LANCL1: variants seen among roughly 807,000 people sequenced by gnomAD.
LANCL1 encodes LanC like glutathione S-transferase 1.
In LANCL1, 50 loss-of-function variants were observed where a neutral mutation model predicts 50.6. The observed-to-expected ratio is 0.99, with a 90% CI of 0.79 to 1.25. LANCL1 has a LOEUF of 1.25. Among genes scored for constraint, LANCL1 ranks in the 50% most tolerant of loss-of-function variants. The probability of loss-of-function intolerance (pLI) is 0.00; values close to 1 mark genes in which losing one functional copy is unlikely to be tolerated. For synonymous variants in LANCL1, 188 were observed against 178.6 expected (o/e 1.05, Z -0.42); for missense variants, 532 against 480.7 (o/e 1.11, Z -1.00).
In LANCL1 at chr2:210,448,541, C is replaced by CA. The variant is rs199822623; in HGVS notation, c.407+6565dup. ...GGAGATAAAGACATGAAAAACCCTT[C>CA]AAAAAAAATCAGTGAATCCCAGAGT... On this transcript the variant is annotated intron_variant, in intron 4 of 9. Coordinates refer to ENST00000450366, the MANE Select transcript of LANCL1 (RefSeq NM_006055.3). Among the ~76,000 whole-genome samples, 981 of 151,698 alleles carry CA rather than the reference C, an allele frequency of 6.5e-3. 8 individuals are homozygous for CA. Among genetic ancestry groups the CA allele is most frequent in the African/African-American group, 0.022 (922 of 41,410 alleles).
At position 210,441,496 on chromosome 2, in the gene LANCL1, G is replaced by A. The variant is rs1375177165; in HGVS notation, c.408-53C>T. 2.7e-6 allele frequency: 4 copies of A among 1,494,904 alleles called. No homozygotes were observed. In the East Asian group the frequency reaches 6.8e-5, roughly 26 times the overall value. 92.6% of individuals were successfully genotyped at this position (1,494,904 alleles called of 1,614,324 possible). The stretch of plus-strand genomic sequence containing the variant: ...AATTTGAAAGGAACCAGGTATTGGT[G>A]TATACTTAAAAATGGTACATTGAAA... On this transcript the variant is annotated intron_variant, in intron 4 of 9. Transcript: ENST00000450366.
At chr2:210,468,680 A>C (rs1337859305) in intron 3 of LANCL1, 1 of 152,360 alleles carries the variant, frequency 6.6e-6, no homozygotes, top group African/African-American at 2.4e-5. Context: ...TCTTCCCTCC[A>C]GCAGCCTGAA....
chr2:210,437,661 A>T (rs939503077), intron 7 of LANCL1, 29 bp downstream of exon 7: 15 of 1,414,304 alleles, frequency 1.1e-5, no homozygotes, highest in Non-Finnish European at 1.4e-5. Flanking sequence ...GTTATTTAAA[A>T]AAATTTATTT....
chr2:210,440,583 A>G lies in LANCL1; in HGVS notation c.690+15T>C, dbSNP rs1222784201. On this transcript the variant is annotated intron_variant, in intron 6 of 9. Transcript: ENST00000450366. ...AGGAAGGACATTTTAAAATTTCACCATAATCACTCCTTACCTGCATCAGGT... is the reference window on the plus strand; with the variant it reads ...AGGAAGGACATTTTAAAATTTCACCGTAATCACTCCTTACCTGCATCAGGT... 6.2e-7 allele frequency: 1 copy of G among 1,600,632 alleles called. No homozygotes were observed. The highest frequency in any genetic ancestry group is 2.2e-5 in the East Asian group (1 of 44,732).
rs761285257 is a variant in LANCL1 at position 210,436,367 on chromosome 2, C to T, written c.899G>A (p.Cys300Tyr). 2 of 1,613,974 alleles carry T rather than the reference C, an allele frequency of 1.2e-6. No homozygotes were observed. Among genetic ancestry groups the T allele is most frequent in the Admixed American group, 1.7e-5 (1 of 59,998 alleles). ...CACATCAGCACACTGATAGGCATCA[C>T]AGAGATACTTTTCCTCTCTGAATAC... is the stretch of plus-strand genomic sequence containing the variant. Reference protein sequence around the residue: ...YKVFREEKYLCDAYQCADVIW... With the variant: ...YKVFREEKYLYDAYQCADVIW... Residue 300 changes from cysteine (C) to tyrosine (Y), a missense_variant, in exon 8 of 10, where the codon TGT becomes TAT. Coordinates refer to ENST00000450366, the MANE Select transcript of LANCL1 (RefSeq NM_006055.3).
chr2:210,468,010 G>A (rs1363822250), intron 3 of LANCL1: 1 of 152,112 alleles, frequency 6.6e-6, no homozygotes, highest in African/African-American at 2.4e-5. Context: ...GAAAAGAATG[G>A]CAAGTAACTG....
At chr2:210,435,124 T>C (rs1692881312) in intron 9 of LANCL1, among the ~76,000 whole-genome samples, 1 of 152,132 alleles carries the variant, frequency 6.6e-6, no homozygotes, top group African/African-American at 2.4e-5. Context: ...TGTATGTTTT[T>C]GCTGAATGAT....
intron 3 of LANCL1, among the ~76,000 whole-genome samples, chr2:210,458,302 G>A (rs747053799): frequency 6.6e-6 from 1 of 152,182 alleles, no homozygotes; most frequent in Admixed American, 6.5e-5. Context: ...CTAATCCTAA[G>A]GAAGACAGCT....
chr2:210,451,478 C>CA (rs969620086), intron 4 of LANCL1, among the ~76,000 whole-genome samples: 8 of 151,810 alleles, frequency 5.3e-5, no homozygotes, highest in Non-Finnish European at 1.2e-4. Flanking sequence ...ATAATAACAA[C>CA]AAAAAAGTAG....
Position 210,471,029 on chromosome 2 carries a change from CT to C in LANCL1, c.199+929del, listed in dbSNP as rs1384692295. 1.2e-4 allele frequency among the ~76,000 whole-genome samples: 14 copies of C among 112,932 alleles called. No homozygotes were observed. In the South Asian group the frequency reaches 4.7e-3, roughly 38 times the overall value. The allele number at this position is 112,932 out of a possible 152,430, so 74.1% of individuals were successfully genotyped here. A position where few individuals can be genotyped will look rare whatever the true frequency, so the allele number is the denominator to read the frequency against. Reference sequence around the variant, plus strand: ...TGGTAAATTAATTGCAGTTCTTCAACTTTTCTTCTTTGATTTTTTTTTTTTT... The same window carrying C: ...TGGTAAATTAATTGCAGTTCTTCAACTTTCTTCTTTGATTTTTTTTTTTTT... On this transcript the variant is annotated intron_variant, in intron 3 of 9. Transcript: ENST00000450366.
chr2:210,467,674 T>G (rs1481286781), intron 3 of LANCL1, among the ~76,000 whole-genome samples: 1 of 152,236 alleles, frequency 6.6e-6, no homozygotes, highest in Non-Finnish European at 1.5e-5. Flanking sequence ...AAGTTATACA[T>G]AAACTTTTGA....
rs1053850794 is a variant in LANCL1, at chr2:210,432,361, C to T, written c.*2126G>A. On this transcript the variant is annotated 3_prime_UTR_variant, in exon 10 of 10. Transcript: ENST00000450366. ...TTTGCTAACTGATGACAGTAGCTAA[C>T]CCATTTATGCTGGGGGTTGCAATTT... The T allele has an allele frequency of 6.6e-6, 1 of 152,152 alleles. No homozygotes were observed. Among genetic ancestry groups the T allele is most frequent in the African/African-American group, 2.4e-5 (1 of 41,440 alleles). 9.4% of individuals were successfully genotyped at this position (152,152 alleles called of 1,614,324 possible).
intron 3 of LANCL1, among the ~76,000 whole-genome samples, chr2:210,464,983 A>AAACCAAAAAAAC (rs1553714474): frequency 1.2e-4 from 8 of 64,568 alleles, no homozygotes; most frequent in Non-Finnish European, 2.5e-4. Flanking sequence ...AAAAAAAAAA[A>AAACCAAAAAAAC]AAAAAAAACT....
rs537340300 is a variant in LANCL1, at chr2:210,452,089, A to G, written c.407+3018T>C. The stretch of plus-strand genomic sequence containing the variant: ...TGTTGGAGTAATAAAACATTTTTTG[A>G]AAATAAATAGTGCTGATGGTTGTAC... On this transcript the variant is annotated intron_variant, in intron 4 of 9. Transcript: ENST00000450366. Among the ~76,000 whole-genome samples, 5 of 152,256 alleles carry G rather than the reference A, an allele frequency of 3.3e-5. No individual in the cohort carries two copies. The South Asian group carries it at 6.2e-4, about 19-fold the overall frequency.
intron 3 of LANCL1, among the ~76,000 whole-genome samples, chr2:210,462,479 C>G (rs752741246): frequency 6.6e-5 from 10 of 152,140 alleles, no homozygotes; most frequent in Non-Finnish European, 1.3e-4. Flanking sequence ...GCTGTTCATT[C>G]AAAATATCAC....
intron 6 of LANCL1, among the ~76,000 whole-genome samples, 154 bp from the exon 7 acceptor site, chr2:210,438,026 C>T (rs1235834441): frequency 1.3e-5 from 2 of 151,820 alleles, no homozygotes; most frequent in Admixed American, 6.6e-5. Flanking sequence ...TATTGGATGC[C>T]TTTATTTTAA....
At chr2:210,435,566 T>G in intron 8 of LANCL1, 107 bp from the exon 9 acceptor site, 1 of 807,458 alleles carries the variant, frequency 1.2e-6, no homozygotes, top group Non-Finnish European at 2.2e-6. Context: ...AACACTACCT[T>G]CACATCAGAG....
chr2:210,474,065 T>C (rs528794741), intron 2 of LANCL1, among the ~76,000 whole-genome samples: 2 of 152,366 alleles, frequency 1.3e-5, no homozygotes, highest in South Asian at 4.1e-4. Context: ...TACTTTCTGT[T>C]TGGCACATTC....
At chr2:210,465,832 GA>G (rs922631360) in intron 3 of LANCL1, among the ~76,000 whole-genome samples, 3 of 152,190 alleles carry the variant, frequency 2.0e-5, no homozygotes, top group African/African-American at 7.2e-5. Context: ...CTATCTGCCT[GA>G]AAAGGTTTTG....
Sources: gnomAD v4.1 joint callset for allele counts (sites outside exome capture counted in the v4.1 genomes callset) on GRCh38, gnomAD v4.1.1 for gene constraint, MANE v1.5 for transcripts, NCBI Gene and HGNC (gene_info 2026-07-23, HGNC 2026-07-21) for gene names.